Variants in SLC39A14 observed in about 807,000 individuals in gnomAD.
SLC39A14 encodes the protein solute carrier family 39 member 14.
Under a neutral mutation model 45.5 loss-of-function variants are expected in SLC39A14, and 19 were observed. That is an observed-to-expected ratio of 0.42 (90% confidence interval 0.29 to 0.61). The LOEUF (loss-of-function observed/expected upper bound fraction) is 0.61. Ranked by LOEUF, SLC39A14 falls within the 20% of genes least tolerant of loss-of-function variation. SLC39A14 has a pLI of 0.22. For missense variants in SLC39A14, 447 were observed against 616.5 expected (o/e 0.73, Z 2.91); for synonymous variants, 264 against 251.3 (o/e 1.05, Z -0.48).
At chr8:22,396,627 A>G (rs1365322051) in intron 1 of SLC39A14, among the ~76,000 whole-genome samples, 2 of 145,944 alleles carry the variant, frequency 1.4e-5, no homozygotes. Flanking sequence ...GAATTGGATC[A>G]TGTCCTCAAT....
downstream of SLC39A14, among the ~76,000 whole-genome samples, chr8:22,425,967 C>T (rs1403564945): frequency 6.7e-6 from 1 of 149,540 alleles, no homozygotes; most frequent in East Asian, 2.1e-4. Flanking sequence ...TCTCGGCTCA[C>T]CGCAACCTCC....
rs1836270997 is a variant in SLC39A14, at chr8:22,422,294, C to G, written c.*2596C>G. 1 of 985,712 alleles carries G rather than the reference C, an allele frequency of 1.0e-6. No individual in the cohort carries two copies. The highest frequency in any genetic ancestry group is 1.7e-5 in the African/African-American group (1 of 57,344). The allele number at this position is 985,712 out of a possible 1,614,324, so 61.1% of individuals were successfully genotyped here. On this transcript the variant is annotated 3_prime_UTR_variant, in exon 9 of 9. Coordinates refer to ENST00000381237, the MANE Select transcript of SLC39A14 (RefSeq NM_001128431.4). ...GGTTCTGCTCCTTCTCACTTCACCA[C>G]CGGCACACAGCTTGCCCCTGTCTTT...
At chr8:22,381,703 T>G (rs1833524156) in intron 1 of SLC39A14, among the ~76,000 whole-genome samples, 1 of 152,228 alleles carries the variant, frequency 6.6e-6, no homozygotes, top group Non-Finnish European at 1.5e-5. Context: ...ACTTTACCTC[T>G]TTAAAAATTG....
chr8:22,385,132 A>C (rs1300287121), intron 1 of SLC39A14, among the ~76,000 whole-genome samples: 2 of 152,230 alleles, frequency 1.3e-5, no homozygotes, highest in African/African-American at 4.8e-5. Flanking sequence ...ATTCCAGGCC[A>C]GCTTCTCTGG....
rs1836146168 is a variant in SLC39A14 at position 22,420,183 on chromosome 8, T to C, written c.*485T>C. The stretch of plus-strand genomic sequence containing the variant: ...TAGAAGAGACAGGAGACAGGAAGCC[T>C]TCCCATTTTTTCAAAGTCTGTTTAA... On this transcript the variant is annotated 3_prime_UTR_variant, in exon 9 of 9. Transcript: ENST00000381237. 4 of 985,920 alleles carry C rather than the reference T, an allele frequency of 4.1e-6. No individual in the cohort carries two copies. Among genetic ancestry groups the C allele is most frequent in the African/African-American group, 1.7e-5 (1 of 57,234 alleles). 61.1% of individuals were successfully genotyped at this position (985,920 alleles called of 1,614,324 possible). A position where few individuals can be genotyped will look rare whatever the true frequency, so the allele number is the denominator to read the frequency against.
chr8:22,412,331 C>G (rs1246428818), intron 4 of SLC39A14, 125 bp downstream of exon 4: 1 of 1,032,372 alleles, frequency 9.7e-7, no homozygotes, highest in Non-Finnish European at 1.4e-6. Flanking sequence ...GAAGCTAGAA[C>G]TTAGGCGTGA....
downstream of SLC39A14, among the ~76,000 whole-genome samples, chr8:22,425,057 A>G (rs894881190): frequency 1.5e-4 from 23 of 149,784 alleles, no homozygotes; most frequent in African/African-American, 4.6e-4. Flanking sequence ...AAAAGACTAA[A>G]TGAAATGTCT....
downstream of SLC39A14, among the ~76,000 whole-genome samples, chr8:22,426,451 C>T (rs998839299): frequency 4.6e-5 from 7 of 152,172 alleles, no homozygotes; most frequent in Non-Finnish European, 8.8e-5. Flanking sequence ...ACTAGGCCTC[C>T]GAAAGTGCTG....
chr8:22,395,930 T>G (rs1834357210), intron 1 of SLC39A14, among the ~76,000 whole-genome samples: 1 of 152,222 alleles, frequency 6.6e-6, no homozygotes, highest in Admixed American at 6.5e-5. Flanking sequence ...TGCTAAGGAC[T>G]GGGTATTTAT....
At chr8:22,398,769 G>A (rs1328675889) in intron 1 of SLC39A14, 2 of 985,212 alleles carry the variant, frequency 2.0e-6, no homozygotes, top group African/African-American at 3.5e-5. Context: ...TCTAGGCAGA[G>A]CTACTTCTGG....
intron 1 of SLC39A14, chr8:22,392,968 A>G (rs1834166502): frequency 2.0e-5 from 3 of 152,360 alleles, no homozygotes; most frequent in Admixed American, 6.5e-5. Context: ...GGCTCAGTAA[A>G]TATTAGTTGG....
intron 1 of SLC39A14, among the ~76,000 whole-genome samples, chr8:22,386,542 C>T (rs1327362948): frequency 1.3e-5 from 2 of 152,258 alleles, no homozygotes; most frequent in African/African-American, 2.4e-5. Flanking sequence ...GCTAGGATTA[C>T]AGGCGTAAGC....
chr8:22,396,748 C>T (rs892052489), intron 1 of SLC39A14, among the ~76,000 whole-genome samples: 1 of 150,996 alleles, frequency 6.6e-6, no homozygotes, highest in Non-Finnish European at 1.5e-5. Flanking sequence ...TTTCCTCCTA[C>T]TACTCAACTG....
chr8:22,368,190 G>C (rs1414428877), intron 1 of SLC39A14, among the ~76,000 whole-genome samples: 1 of 152,186 alleles, frequency 6.6e-6, no homozygotes, highest in African/African-American at 2.4e-5. Flanking sequence ...CAATTGGGGA[G>C]TGGCTAAGTG....
chr8:22,421,544 A>C lies in SLC39A14; in HGVS notation c.*1846A>C, dbSNP rs1836229140. 1 of 985,432 alleles carries C rather than the reference A, an allele frequency of 1.0e-6. No homozygotes were observed. The highest frequency in any genetic ancestry group is 1.2e-6 in the Non-Finnish European group (1 of 829,658). The allele number at this position is 985,432 out of a possible 1,614,324, so 61.0% of individuals were successfully genotyped here. On this transcript the variant is annotated 3_prime_UTR_variant, in exon 9 of 9. Coordinates refer to ENST00000381237, the MANE Select transcript of SLC39A14 (RefSeq NM_001128431.4). The stretch of plus-strand genomic sequence containing the variant: ...AAAGAACCAATTCCTTGAATGTTGG[A>C]ATCTAACTTTTTATATTGTCATTAT...
intron 1 of SLC39A14, chr8:22,379,482 C>T (rs1429601190): frequency 6.6e-6 from 1 of 152,250 alleles, no homozygotes; most frequent in Non-Finnish European, 1.5e-5. Context: ...AGACCATCTG[C>T]TCCCCTCATG....
At chr8:22,395,807 G>A (rs901366107) in intron 1 of SLC39A14, among the ~76,000 whole-genome samples, 4 of 152,130 alleles carry the variant, frequency 2.6e-5, no homozygotes, top group Admixed American at 6.5e-5. Flanking sequence ...TTTGCCTGCC[G>A]TTTCTTTTCC....
intron 1 of SLC39A14, among the ~76,000 whole-genome samples, chr8:22,373,988 G>T (rs1586632337): frequency 1.3e-5 from 2 of 152,314 alleles, no homozygotes; most frequent in South Asian, 4.1e-4. Flanking sequence ...TCGAACTCGA[G>T]CTCAAGTGAT....
chr8:22,380,185 G>A (rs1833431576), intron 1 of SLC39A14, among the ~76,000 whole-genome samples: 1 of 152,128 alleles, frequency 6.6e-6, no homozygotes, highest in South Asian at 2.1e-4. Flanking sequence ...GGGTGTCTTG[G>A]AACCAATCCC....
Sources: gnomAD v4.1 joint callset for allele counts (sites outside exome capture counted in the v4.1 genomes callset) on GRCh38, gnomAD v4.1.1 for gene constraint, MANE v1.5 for transcripts, NCBI Gene and HGNC (gene_info 2026-07-23, HGNC 2026-07-21) for gene names.